GSE1: variants seen among roughly 807,000 people sequenced by gnomAD.
GSE1 encodes the protein Gse1 coiled-coil protein.
In GSE1, 32 loss-of-function variants were observed where a neutral mutation model predicts 112.6. The observed-to-expected ratio is 0.28, with a 90% CI of 0.21 to 0.38. The LOEUF is 0.38. Among genes scored for constraint, GSE1 ranks in the 10% least tolerant of loss-of-function variants. The pLI is 1.00. For missense variants in GSE1, 2,348 were observed against 1,699.2 expected, an observed-to-expected ratio of 1.38 and a Z score of -6.71; for synonymous variants, 1,115 against 735.6, an observed-to-expected ratio of 1.52 and a Z score of -8.35.
intron 1 of GSE1, 90 bp downstream of exon 1, chr16:85,613,488 G>A (rs1269400126): frequency 1.1e-5 from 13 of 1,159,218 alleles, no homozygotes; most frequent in Admixed American, 5.6e-5. Flanking sequence ...TCGCGGGGGC[G>A]GCCGCCAACG....
Position 85,222,232 on chromosome 16 carries a change from T to C in GSE1, c.2283+50425T>C, listed in dbSNP as rs191166029. Among the ~76,000 whole-genome samples, 633 of 152,330 alleles carry C rather than the reference T, an allele frequency of 4.2e-3. 3 individuals are homozygous for C. Among genetic ancestry groups the C allele is most frequent in the Non-Finnish European group, 4.7e-3 (319 of 68,024 alleles). On this transcript the variant is annotated intron_variant, in intron 1 of 2. Transcript: ENST00000637419. ...CCTCTCCCTCCAGTGAACTCTGCCCTGAGCGGGGCCCACCAGACCTTAGGG... is the reference window on the plus strand; with the variant it reads ...CCTCTCCCTCCAGTGAACTCTGCCCCGAGCGGGGCCCACCAGACCTTAGGG...
chr16:85,239,657 G>A (rs1296339074), intron 1 of GSE1, among the ~76,000 whole-genome samples: 2 of 152,194 alleles, frequency 1.3e-5, no homozygotes, highest in African/African-American at 2.4e-5. Flanking sequence ...CGGGCCCCAC[G>A]GCTCCCAGCT....
chr16:85,426,577 T>A (rs1331983444), intron 2 of GSE1, among the ~76,000 whole-genome samples: 1 of 120,538 alleles, frequency 8.3e-6, no homozygotes, highest in Non-Finnish European at 1.8e-5. Context: ...GGTGAATGAA[T>A]GTGGATGGGT....
chr16:85,528,459 G>A (rs1346089428), intron 2 of GSE1, among the ~76,000 whole-genome samples: 2 of 150,794 alleles, frequency 1.3e-5, no homozygotes, highest in Non-Finnish European at 1.5e-5. Context: ...CTACAGGTGT[G>A]TGCACCACCA....
At chr16:85,181,527 G>A (rs1297106923) in intron 1 of GSE1, among the ~76,000 whole-genome samples, 2 of 152,216 alleles carry the variant, frequency 1.3e-5, no homozygotes, top group Non-Finnish European at 2.9e-5. Flanking sequence ...AGGCCGCCGT[G>A]CTCTCTCGCA....
rs900353906 is a variant in GSE1 at position 85,587,558 on chromosome 16, TC to T, written c.37+31197del. Among the ~76,000 whole-genome samples the T allele has an allele frequency of 1.9e-3, 282 of 152,034 alleles. 2 individuals carry two copies. Among genetic ancestry groups the T allele is most frequent in the Non-Finnish European group, 3.5e-4 (24 of 67,952 alleles). ...GCTTCACACCTTCGGCCTAGGTACA[TC>T]CAGGTACGATCCTGGGCGAGGTGGG... On this transcript the variant is annotated intron_variant, in intron 1 of 2. Coordinates refer to the GSE1 transcript ENST00000635906.
intron 1 of GSE1, among the ~76,000 whole-genome samples, chr16:85,179,424 C>A (rs2074536133): frequency 6.6e-6 from 1 of 152,154 alleles, no homozygotes; most frequent in South Asian, 2.1e-4. Flanking sequence ...CGGCTTGTTT[C>A]TGCTTTTTGG....
chr16:85,486,254 C>T (rs1271679929), intron 2 of GSE1, among the ~76,000 whole-genome samples: 1 of 152,186 alleles, frequency 6.6e-6, no homozygotes, highest in African/African-American at 2.4e-5. Flanking sequence ...CACTCATTCA[C>T]ATGCTCCCTT....
At chr16:85,607,119 T>G (rs2047740438), upstream of GSE1, among the ~76,000 whole-genome samples, 2 of 151,400 alleles carry the variant, frequency 1.3e-5, no homozygotes, top group African/African-American at 4.9e-5. Context: ...AGGAGAGCCA[T>G]GGCTCCTGGG....
chr16:85,635,659 T>G (rs1300931241), intron 2 of GSE1, among the ~76,000 whole-genome samples: 1 of 152,094 alleles, frequency 6.6e-6, no homozygotes, highest in Non-Finnish European at 1.5e-5. Flanking sequence ...TTCTCAGCGT[T>G]TGGGGGCAGG....
intron 2 of GSE1, among the ~76,000 whole-genome samples, chr16:85,372,146 C>T (rs905580189): frequency 1.3e-5 from 2 of 152,140 alleles, no homozygotes; most frequent in African/African-American, 4.8e-5. Flanking sequence ...GGACTGTGGC[C>T]CGGACCCTCC....
intron 13 of GSE1, 38 bp from the exon 14 acceptor site, chr16:85,668,102 C>T (rs2053026685): frequency 2.0e-6 from 3 of 1,499,626 alleles, no homozygotes; most frequent in South Asian, 1.3e-5. Context: ...TGTGTCCCTT[C>T]CCCCAACACA....
chr16:85,376,538 C>T (rs1308380404), intron 2 of GSE1, among the ~76,000 whole-genome samples: 1 of 152,198 alleles, frequency 6.6e-6, no homozygotes, highest in African/African-American at 2.4e-5. Flanking sequence ...GGGCTCTGCC[C>T]TCCCTGCCTG....
At chr16:85,285,004 C>T (rs189366902) in intron 1 of GSE1, 33 of 152,350 alleles carry the variant, frequency 2.2e-4, no homozygotes, top group Non-Finnish European at 4.6e-4. Context: ...TCAGGCAAAA[C>T]CATCAACGGA....
chr16:85,273,063 A>C (rs1243280741), intron 1 of GSE1, among the ~76,000 whole-genome samples: 1 of 152,204 alleles, frequency 6.6e-6, no homozygotes, highest in Non-Finnish European at 1.5e-5. Context: ...GGCGTGAGCC[A>C]CTGTGCCCAG....
At chr16:85,562,959 G>A (rs2045588835) in intron 1 of GSE1, among the ~76,000 whole-genome samples, 1 of 152,244 alleles carries the variant, frequency 6.6e-6, no homozygotes, top group Non-Finnish European at 1.5e-5. Flanking sequence ...GACTGTTGTG[G>A]CCCTTAACGT....
chr16:85,241,227 C>G (rs1359408592), intron 1 of GSE1, among the ~76,000 whole-genome samples: 1 of 152,180 alleles, frequency 6.6e-6, no homozygotes, highest in African/African-American at 2.4e-5. Context: ...CTCCCAGAGC[C>G]TCAGTTCTTT....
At chr16:85,252,641 G>C (rs1208198944) in intron 1 of GSE1, among the ~76,000 whole-genome samples, 4 of 152,214 alleles carry the variant, frequency 2.6e-5, no homozygotes, top group Non-Finnish European at 5.9e-5. Context: ...AGAGGCCCCA[G>C]CTGTGGCTTC....
intron 2 of GSE1, among the ~76,000 whole-genome samples, chr16:85,535,600 A>G (rs1469680846): frequency 6.6e-6 from 1 of 152,180 alleles, no homozygotes; most frequent in Non-Finnish European, 1.5e-5. Flanking sequence ...GTTGGCTGAT[A>G]AGAGGAAGGC....
Sources: allele counts gnomAD v4.1 joint callset (sites outside exome capture counted in the v4.1 genomes callset), GRCh38; gene constraint gnomAD v4.1.1; transcripts MANE v1.5; gene names NCBI Gene and HGNC (gene_info 2026-07-23, HGNC 2026-07-21).